Variants in SPTBN1 observed in about 807,000 individuals in gnomAD.
The protein encoded by SPTBN1 is spectrin beta, non-erythrocytic 1.
In SPTBN1, 32 loss-of-function variants were observed where a neutral mutation model predicts 266.4. The observed-to-expected ratio is 0.12, with a 90% CI of 0.09 to 0.16. SPTBN1 has a LOEUF of 0.16. SPTBN1 is among the 10% of genes least tolerant of loss of function. The probability of loss-of-function intolerance (pLI) is 1.00; values close to 1 mark genes in which losing one functional copy is unlikely to be tolerated. For missense variants in SPTBN1, 2,296 were observed against 3,067.1 expected (o/e 0.75, Z 5.94); for synonymous variants, 1,336 against 1,162.2 (o/e 1.15, Z -3.04).
chr2:54,668,323 T>C, intron 35 of SPTBN1, 28 bp from the exon 36 acceptor site: 1 of 1,610,220 alleles, frequency 6.2e-7, no homozygotes, highest in Non-Finnish European at 8.5e-7. Context: ...CTTAGTTGAG[T>C]CTCACCTGTG....
chr2:54,664,992 T>G lies in SPTBN1; in HGVS notation c.6659+301T>G, dbSNP rs544971367. Reference sequence around the variant, plus strand: ...GTCTTCTTTACTTTAAGTGATTGATTTCATTTAGGACTCCTTGTGGGTTTT... The same window carrying G: ...GTCTTCTTTACTTTAAGTGATTGATGTCATTTAGGACTCCTTGTGGGTTTT... On this transcript the variant is annotated intron_variant, in intron 33 of 35. Coordinates refer to ENST00000356805, the MANE Select transcript of SPTBN1 (RefSeq NM_003128.3). The surrounding 1 kb of genome is among the most constrained non-coding windows in gnomAD (Gnocchi z 5.6). 3.9e-5 allele frequency among the ~76,000 whole-genome samples: 6 copies of G among 152,204 alleles called. No individual in the cohort carries two copies. Among genetic ancestry groups the G allele is most frequent in the Non-Finnish European group, 8.8e-5 (6 of 68,046 alleles).
Position 54,646,063 on chromosome 2 carries a change from C to A in SPTBN1, c.4584+46C>A. 1.2e-6 allele frequency: 2 copies of A among 1,612,660 alleles called. No homozygotes were observed. The highest frequency in any genetic ancestry group is 1.3e-5 in the African/African-American group (1 of 74,992). On this transcript the variant is annotated intron_variant, in intron 22 of 35. Coordinates refer to ENST00000356805, the MANE Select transcript of SPTBN1 (RefSeq NM_003128.3). The surrounding 1 kb of genome is among the most constrained non-coding windows in gnomAD (Gnocchi z 4.4). The stretch of plus-strand genomic sequence containing the variant: ...TAGTTCTGTCTGATAAATAATTGCT[C>A]TAAATTATGAGACTGGGAATGGCAG...
At chr2:54,630,141 C>A in intron 15 of SPTBN1, 112 bp downstream of exon 15, 1 of 1,376,378 alleles carries the variant, frequency 7.3e-7, no homozygotes, top group South Asian at 1.4e-5. Context: ...ATCGACATTG[C>A]AACACTGATG....
chr2:54,613,940 T>G (rs1355731281), intron 4 of SPTBN1, among the ~76,000 whole-genome samples: 1 of 152,244 alleles, frequency 6.6e-6, no homozygotes, highest in Non-Finnish European at 1.5e-5. Context: ...CTGTGGGCTA[T>G]CTTGACAGCG....
At chr2:54,457,122 C>G (rs1188310033) in intron 1 of SPTBN1, 1 of 149,956 alleles carries the variant, frequency 6.7e-6, no homozygotes, top group Non-Finnish European at 1.5e-5. Flanking sequence ...CACCTCCGCC[C>G]CATCCCTGCG....
At chr2:54,507,586 G>T (rs1239226526) in intron 1 of SPTBN1, among the ~76,000 whole-genome samples, 4 of 152,146 alleles carry the variant, frequency 2.6e-5, no homozygotes, top group Non-Finnish European at 5.9e-5. Context: ...AAGACACAAG[G>T]TCTGAATAAG....
chr2:54,572,014 C>T (rs1674117338), intron 2 of SPTBN1, among the ~76,000 whole-genome samples: 1 of 152,096 alleles, frequency 6.6e-6, no homozygotes, highest in Non-Finnish European at 1.5e-5. Context: ...TAGTGACAAC[C>T]TCCCCTCATC....
intron 1 of SPTBN1, among the ~76,000 whole-genome samples, chr2:54,477,422 T>C (rs1438135410): frequency 6.6e-6 from 1 of 151,902 alleles, no homozygotes; most frequent in Non-Finnish European, 1.5e-5. Context: ...TTTTAATTAA[T>C]TAATTCACTT....
intron 1 of SPTBN1, among the ~76,000 whole-genome samples, chr2:54,466,932 A>C (rs578034084): frequency 6.6e-6 from 1 of 152,332 alleles, no homozygotes; most frequent in African/African-American, 2.4e-5. Context: ...TTCCTTGTTT[A>C]AATGTTCATT....
intron 2 of SPTBN1, among the ~76,000 whole-genome samples, chr2:54,584,508 C>A (rs567712472): frequency 6.6e-6 from 1 of 151,694 alleles, no homozygotes; most frequent in African/African-American, 2.4e-5. Context: ...AGTTTCTCCA[C>A]ACCTTCAGTA....
intron 18 of SPTBN1, among the ~76,000 whole-genome samples, chr2:54,640,949 C>G (rs1558459108): frequency 6.6e-6 from 1 of 152,224 alleles, no homozygotes; most frequent in Non-Finnish European, 1.5e-5. Flanking sequence ...CACCTATTCT[C>G]TGGAACTGAT....
At chr2:54,638,241 G>C (rs765570276) in intron 18 of SPTBN1, among the ~76,000 whole-genome samples, 2 of 152,202 alleles carry the variant, frequency 1.3e-5, no homozygotes, top group African/African-American at 2.4e-5. Context: ...AGTTGTATTG[G>C]ATATTGATGT....
intron 24 of SPTBN1, among the ~76,000 whole-genome samples, chr2:54,647,930 T>C (rs1419925028): frequency 6.6e-6 from 1 of 152,148 alleles, no homozygotes; most frequent in African/African-American, 2.4e-5. Flanking sequence ...GAAAAAGTCA[T>C]CCAGTTTAGT....
At chr2:54,611,764 C>G (rs992903189) in intron 3 of SPTBN1, among the ~76,000 whole-genome samples, 1 of 151,964 alleles carries the variant, frequency 6.6e-6, no homozygotes, top group Non-Finnish European at 1.5e-5. Context: ...GGTGGCAAAC[C>G]TAATTTTACA....
intron 1 of SPTBN1, chr2:54,515,906 A>G (rs1201083750): frequency 6.6e-6 from 1 of 152,178 alleles, no homozygotes; most frequent in Non-Finnish European, 1.5e-5. Flanking sequence ...CTAATATGAA[A>G]AAGAATACAA....
At chr2:54,662,627 G>A (rs1371706839) in intron 32 of SPTBN1, 3 of 152,148 alleles carry the variant, frequency 2.0e-5, no homozygotes, top group African/African-American at 7.2e-5. Flanking sequence ...ACTCACACCT[G>A]GCTCAGGCCT....
At chr2:54,571,759 A>T (rs4671962) in intron 2 of SPTBN1, among the ~76,000 whole-genome samples, 42,967 of 152,062 alleles carry the variant, frequency 0.28, 7,558 homozygotes, top group Non-Finnish European at 0.35. Context: ...ATGTTTCATG[A>T]ATAAAGGGAT....
intron 2 of SPTBN1, 54 bp from the exon 3 acceptor site, chr2:54,599,038 C>T (rs1676293897): frequency 2.5e-6 from 4 of 1,593,424 alleles, no homozygotes; most frequent in Non-Finnish European, 3.4e-6. Context: ...TAGCATGTGC[C>T]TGCTCCTGCC....
chr2:54,561,750 T>C (rs1327136846), intron 2 of SPTBN1, among the ~76,000 whole-genome samples: 2 of 148,452 alleles, frequency 1.3e-5, no homozygotes, highest in Admixed American at 1.3e-4. Flanking sequence ...TATATATTTA[T>C]ATATAAATAT....
Sources: allele counts gnomAD v4.1 joint callset (sites outside exome capture counted in the v4.1 genomes callset), GRCh38; gene constraint gnomAD v4.1.1; non-coding constraint Gnocchi (gnomAD v3.1); transcripts MANE v1.5; gene names NCBI Gene and HGNC (gene_info 2026-07-23, HGNC 2026-07-21).